The following NCOA7 variants were observed in gnomAD, a reference collection of about 807,000 sequenced individuals.
The protein encoded by NCOA7 is nuclear receptor coactivator 7, also known as 140 kDa estrogen receptor-associated protein.
A neutral mutation model predicts 104.3 loss-of-function variants in NCOA7; 45 were observed. The observed-to-expected ratio is 0.43, with a 90% CI of 0.34 to 0.55. The LOEUF (loss-of-function observed/expected upper bound fraction) is 0.55, where lower values mean the gene tolerates loss of function less well. Among genes scored for constraint, NCOA7 ranks in the 20% least tolerant of loss-of-function variants. NCOA7 has a pLI of 0.02. For missense variants in NCOA7, 1,041 were observed against 1,119.7 expected (o/e 0.93, Z 1.00); for synonymous variants, 398 against 402.3 (o/e 0.99, Z 0.13).
At chr6:125,785,786 AAAAG>A (rs1383943089) in intron 1 of NCOA7, among the ~76,000 whole-genome samples, 20 of 152,268 alleles carry the variant, frequency 1.3e-4, no homozygotes, top group African/African-American at 4.6e-4. Flanking sequence ...AGCTGTGAAT[AAAAG>A]AAAAGGAAAA....
intron 2 of NCOA7, among the ~76,000 whole-genome samples, chr6:125,820,309 G>C (rs941097448): frequency 6.6e-6 from 1 of 152,210 alleles, no homozygotes; most frequent in African/African-American, 2.4e-5. Flanking sequence ...TCACTCCAGT[G>C]TATAACCTCT....
intron 10 of NCOA7, among the ~76,000 whole-genome samples, chr6:125,902,496 A>C (rs9388460): frequency 1.3e-5 from 2 of 149,920 alleles, no homozygotes; most frequent in African/African-American, 4.9e-5. Flanking sequence ...TTTTTTTTTT[A>C]AAGTGGGGAT....
rs1782323000 is a variant in NCOA7 at position 125,864,921 on chromosome 6, C to T, written c.271+9681C>T. 1.5e-5 allele frequency among the ~76,000 whole-genome samples: 2 copies of T among 137,320 alleles called. 1 individual carries two copies. The highest frequency in any genetic ancestry group is 6.1e-5 in the African/African-American group (2 of 32,790). The allele number at this position is 137,320 out of a possible 152,430, so 90.1% of individuals were successfully genotyped here. On this transcript the variant is annotated intron_variant, in intron 3 of 15. Coordinates refer to ENST00000392477, the MANE Select transcript of NCOA7 (RefSeq NM_181782.5). ...CATATGCACAATTATTGTCCTTGATCCATTTATGAAAAGAAAAAGCTGTTT... is the reference window on the plus strand; with the variant it reads ...CATATGCACAATTATTGTCCTTGATTCATTTATGAAAAGAAAAAGCTGTTT...
At chr6:125,856,083 T>A (rs1583388589) in intron 3 of NCOA7, among the ~76,000 whole-genome samples, 2 of 152,160 alleles carry the variant, frequency 1.3e-5, no homozygotes, top group East Asian at 3.8e-4. Flanking sequence ...ATACATGGAT[T>A]TTGTTTCAAA....
At position 125,904,500 on chromosome 6, in the gene NCOA7, C is replaced by A. The variant is rs74879377; in HGVS notation, c.2097-10833C>A. 6.9e-4 allele frequency among the ~76,000 whole-genome samples: 105 copies of A among 152,278 alleles called. No homozygotes were observed. In the East Asian group the frequency reaches 0.019, roughly 27 times the overall value. The stretch of plus-strand genomic sequence containing the variant: ...GCAGCATCCCCCTGGTCTTCCAATG[C>A]CATGTCTTTGCATGGGTTCCCTCCA... On this transcript the variant is annotated intron_variant, in intron 10 of 15. Coordinates refer to ENST00000392477, the MANE Select transcript of NCOA7 (RefSeq NM_181782.5).
chr6:125,833,882 C>G (rs191279762), intron 2 of NCOA7, among the ~76,000 whole-genome samples: 138 of 152,296 alleles, frequency 9.1e-4, no homozygotes, highest in Non-Finnish European at 1.6e-3. Context: ...AAAGTTAACA[C>G]TAGCTTAAGT....
At chr6:125,918,527 C>T (rs1303110521) in intron 11 of NCOA7, among the ~76,000 whole-genome samples, 1 of 152,174 alleles carries the variant, frequency 6.6e-6, no homozygotes, top group Non-Finnish European at 1.5e-5. Flanking sequence ...AAGGCCACTT[C>T]GGATCTGGAA....
chr6:125,809,390 A>G (rs1776758185), intron 1 of NCOA7, among the ~76,000 whole-genome samples: 1 of 151,906 alleles, frequency 6.6e-6, no homozygotes, highest in African/African-American at 2.4e-5. Flanking sequence ...GCCATGTTGG[A>G]TAGGCTGGTC....
intron 5 of NCOA7, among the ~76,000 whole-genome samples, chr6:125,879,929 G>A (rs1783684968): frequency 6.6e-6 from 1 of 152,130 alleles, no homozygotes; most frequent in South Asian, 2.1e-4. Flanking sequence ...TCTTGAATGT[G>A]GGAGGTGGAG....
At chr6:125,890,426 A>T (rs935869892) in intron 9 of NCOA7, among the ~76,000 whole-genome samples, 4 of 152,178 alleles carry the variant, frequency 2.6e-5, no homozygotes, top group Admixed American at 2.0e-4. Flanking sequence ...AGTATGTAGC[A>T]GCTCATGGGA....
At chr6:125,908,575 C>T (rs955689016) in intron 10 of NCOA7, among the ~76,000 whole-genome samples, 2 of 152,138 alleles carry the variant, frequency 1.3e-5, no homozygotes, top group African/African-American at 2.4e-5. Context: ...TGGTATTAGG[C>T]GTTTGATTCC....
chr6:125,898,228 T>A (rs548545680), intron 10 of NCOA7, among the ~76,000 whole-genome samples: 1 of 152,350 alleles, frequency 6.6e-6, no homozygotes, highest in Non-Finnish European at 1.5e-5. Flanking sequence ...TCTGAAATCT[T>A]ACTCATTTTT....
chr6:125,881,669 T>G (rs1783836791), intron 6 of NCOA7, among the ~76,000 whole-genome samples: 1 of 43,332 alleles, frequency 2.3e-5, no homozygotes, highest in Non-Finnish European at 4.0e-5. Flanking sequence ...AAACCCTATC[T>G]CAAAAAAAAA....
chr6:125,901,589 C>T lies in NCOA7; in HGVS notation c.2096+10779C>T, dbSNP rs1283937297. Among the ~76,000 whole-genome samples the T allele has an allele frequency of 5.3e-5, 8 of 152,290 alleles. No individual in the cohort carries two copies. The South Asian group carries it at 1.0e-3, about 20-fold the overall frequency. On this transcript the variant is annotated intron_variant, in intron 10 of 15. Coordinates refer to ENST00000392477, the MANE Select transcript of NCOA7 (RefSeq NM_181782.5). Reference sequence around the variant, plus strand: ...CAGTGGGAATGAACCCTGTACCAGCCCATAGTAGCGTCTAGGGGTTGCCCA... The same window carrying T: ...CAGTGGGAATGAACCCTGTACCAGCTCATAGTAGCGTCTAGGGGTTGCCCA...
At chr6:125,842,476 A>C (rs1015515314) in intron 2 of NCOA7, among the ~76,000 whole-genome samples, 28 of 152,356 alleles carry the variant, frequency 1.8e-4, no homozygotes, top group African/African-American at 6.5e-4. Flanking sequence ...GCTTTCTATA[A>C]GATTCATTGA....
chr6:125,930,541 A>G lies in NCOA7; in HGVS notation c.*1770A>G, dbSNP rs1184681052. On this transcript the variant is annotated 3_prime_UTR_variant, in exon 16 of 16. Transcript: ENST00000392477. ...TTGAAAGGAAAAATGTATAACAAGT[A>G]CTATTTACATATCTGCATTTAAAAA... 1 of 152,658 alleles carries G rather than the reference A, an allele frequency of 6.6e-6. No homozygotes were observed. The highest frequency in any genetic ancestry group is 2.4e-5 in the African/African-American group (1 of 41,456). The allele number at this position is 152,658 out of a possible 1,614,324, so 9.5% of individuals were successfully genotyped here.
intron 1 of NCOA7, among the ~76,000 whole-genome samples, chr6:125,807,702 G>A (rs1776589347): frequency 6.6e-6 from 1 of 152,192 alleles, no homozygotes; most frequent in South Asian, 2.1e-4. Flanking sequence ...CCAAATGGCT[G>A]ATAAGGGAGG....
At chr6:125,798,106 A>G (rs949583079) in intron 1 of NCOA7, 2 of 152,192 alleles carry the variant, frequency 1.3e-5, no homozygotes, top group Admixed American at 6.5e-5. Context: ...TATACCTTCA[A>G]TGGAGAGCAG....
At chr6:125,785,061 G>T (rs1774399065) in intron 1 of NCOA7, among the ~76,000 whole-genome samples, 1 of 152,074 alleles carries the variant, frequency 6.6e-6, no homozygotes, top group African/African-American at 2.4e-5. Context: ...AACCTGGCTG[G>T]ATGCGGTGGC....
Sources: gnomAD v4.1 joint callset for allele counts (sites outside exome capture counted in the v4.1 genomes callset) on GRCh38, gnomAD v4.1.1 for gene constraint, MANE v1.5 for transcripts, NCBI Gene and HGNC (gene_info 2026-07-23, HGNC 2026-07-21) for gene names.